FREM1: variants seen among roughly 807,000 people sequenced by gnomAD.
FREM1 encodes FRAS1 related extracellular matrix 1.
A neutral mutation model predicts 210.1 loss-of-function variants in FREM1; 220 were observed. The ratio of observed to expected loss-of-function variants is 1.05; its 90% CI spans 0.94 to 1.17. The LOEUF (loss-of-function observed/expected upper bound fraction) is 1.17, where lower values mean the gene tolerates loss of function less well. Among genes scored for constraint, FREM1 ranks in the 50% most tolerant of loss-of-function variants. FREM1 has a pLI of 0.00. For missense variants in FREM1, 3,454 were observed against 2,675.5 expected (o/e 1.29, Z -6.42); for synonymous variants, 1,189 against 980.2 (o/e 1.21, Z -3.98).
In FREM1 at chr9:14,812,595, C is replaced by T. The variant is rs116618544; in HGVS notation, c.2893+217G>A. Among the ~76,000 whole-genome samples, 1,314 of 152,266 alleles carry T rather than the reference C, an allele frequency of 8.6e-3. 16 individuals carry two copies. Among genetic ancestry groups the T allele is most frequent in the African/African-American group, 0.03 (1,232 of 41,554 alleles). ...GCGTCAGGAACAAAGCAAGTAATAT[C>T]TGCCTTTCTCCGCTGTTTGAAATTC... On this transcript the variant is annotated intron_variant, in intron 16 of 36. Transcript: ENST00000380880.
chr9:14,825,561 A>ATATATATATG (rs1554685339), intron 10 of FREM1, among the ~76,000 whole-genome samples: 4,794 of 129,050 alleles, frequency 0.037, 405 homozygotes, highest in African/African-American at 0.12. Context: ...ATATATATAT[A>ATATATATATG]TATATATATA....
chr9:14,738,391 T>C (rs10961691), intron 36 of FREM1, among the ~76,000 whole-genome samples: 112,806 of 151,722 alleles, frequency 0.74, 42,042 homozygotes, highest in Middle Eastern at 0.8. Context: ...TTTTTCAGTC[T>C]GTATTTTTGG....
At chr9:14,760,849 G>T (rs1281427165) in intron 27 of FREM1, among the ~76,000 whole-genome samples, 2 of 152,034 alleles carry the variant, frequency 1.3e-5, no homozygotes, top group African/African-American at 2.4e-5. Flanking sequence ...CCTTTTTGAG[G>T]TCTTGCCTTT....
intron 35 of FREM1, among the ~76,000 whole-genome samples, 174 bp from the exon 36 acceptor site, chr9:14,740,408 G>T (rs1045370713): frequency 2.0e-5 from 3 of 152,144 alleles, no homozygotes; most frequent in African/African-American, 7.2e-5. Flanking sequence ...GCAGGGTGGG[G>T]GTAGGTGACA....
At chr9:14,794,377 C>G (rs1227556681) in intron 21 of FREM1, among the ~76,000 whole-genome samples, 6 of 152,184 alleles carry the variant, frequency 3.9e-5, no homozygotes, top group African/African-American at 1.4e-4. Context: ...ATCTTATCTA[C>G]TAGCTCCCGA....
At chr9:14,745,642 A>G (rs1465226192) in intron 35 of FREM1, among the ~76,000 whole-genome samples, 1 of 152,234 alleles carries the variant, frequency 6.6e-6, no homozygotes, top group African/African-American at 2.4e-5. Context: ...GATCAGATCA[A>G]TAATAACCAG....
intron 29 of FREM1, among the ~76,000 whole-genome samples, chr9:14,754,624 G>A (rs192042359): frequency 8.5e-5 from 13 of 152,234 alleles, no homozygotes; most frequent in Admixed American, 3.9e-4. Flanking sequence ...CATCCATTAT[G>A]ACTGGTATTG....
At chr9:14,831,338 G>A (rs1389995058) in intron 10 of FREM1, among the ~76,000 whole-genome samples, 1 of 152,190 alleles carries the variant, frequency 6.6e-6, no homozygotes, top group African/African-American at 2.4e-5. Context: ...AAGTTACAGC[G>A]AGGTTACTTG....
chr9:14,860,579 A>ACACATATATATG, intron 3 of FREM1, among the ~76,000 whole-genome samples: 1 of 140,286 alleles, frequency 7.1e-6, no homozygotes, highest in African/African-American at 2.9e-5. Context: ...ACACATATAT[A>ACACATATATATG]TACACATATA....
At chr9:14,816,923 T>G in intron 14 of FREM1, 52 bp from the exon 15 acceptor site, 1 of 611,382 alleles carries the variant, frequency 1.6e-6, no homozygotes, top group Non-Finnish European at 2.6e-6. Context: ...TGAGAGTAAA[T>G]TGAGATGCAT....
chr9:14,908,802 C>A (rs752598247), intron 1 of FREM1, among the ~76,000 whole-genome samples: 1 of 152,194 alleles, frequency 6.6e-6, no homozygotes, highest in African/African-American at 2.4e-5. Flanking sequence ...TGGCACCACT[C>A]CAGGTCTAAA....
In FREM1 at chr9:14,836,038, A is replaced by C. The variant is rs1824527959; in HGVS notation, c.1881+5409T>G. The stretch of plus-strand genomic sequence containing the variant: ...TGCTAGTTCTGGGCAATTATCTTGC[A>C]ACTTCTGCCGGGTAATGAAAAGTGA... On this transcript the variant is annotated intron_variant, in intron 10 of 36. Coordinates refer to ENST00000380880, the MANE Select transcript of FREM1 (RefSeq NM_001379081.2). The surrounding 1 kb of genome is among the most constrained non-coding windows in gnomAD (Gnocchi z 4.9). Among the ~76,000 whole-genome samples, 1 of 152,236 alleles carries C rather than the reference A, an allele frequency of 6.6e-6. No individual in the cohort carries two copies. Among genetic ancestry groups the C allele is most frequent in the Non-Finnish European group, 1.5e-5 (1 of 68,046 alleles).
chr9:14,885,557 T>C (rs1835661662), intron 1 of FREM1, among the ~76,000 whole-genome samples: 1 of 152,110 alleles, frequency 6.6e-6, no homozygotes, highest in Non-Finnish European at 1.5e-5. Context: ...TACCTGGGAC[T>C]ACAGGCATGC....
At chr9:14,796,963 C>T (rs762466006) in intron 21 of FREM1, among the ~76,000 whole-genome samples, 3 of 152,112 alleles carry the variant, frequency 2.0e-5, no homozygotes, top group East Asian at 1.9e-4. Flanking sequence ...ATGATGATTT[C>T]GATGTGAGGC....
chr9:14,813,468 T>C (rs994429757), intron 15 of FREM1, among the ~76,000 whole-genome samples: 9 of 152,224 alleles, frequency 5.9e-5, no homozygotes, highest in Admixed American at 5.9e-4. Context: ...ATCAAAGTTA[T>C]TTTTGTTTCA....
chr9:14,749,103 T>C (rs949232725), intron 30 of FREM1, among the ~76,000 whole-genome samples: 11 of 152,174 alleles, frequency 7.2e-5, no homozygotes, highest in Admixed American at 2.6e-4. Flanking sequence ...TTAGTTGCTG[T>C]AGAACAAAGA....
At chr9:14,779,826 T>C (rs910603245) in intron 24 of FREM1, among the ~76,000 whole-genome samples, 12 of 152,308 alleles carry the variant, frequency 7.9e-5, no homozygotes, top group Middle Eastern at 3.4e-3. Flanking sequence ...AGTGCTGACC[T>C]AAAGCTAATA....
chr9:14,904,182 A>G lies in FREM1; in HGVS notation c.-268+5732T>C, dbSNP rs541786642. Among the ~76,000 whole-genome samples, 14 of 151,426 alleles carry G rather than the reference A, an allele frequency of 9.2e-5. No individual in the cohort carries two copies. In the South Asian group the frequency reaches 1.3e-3, roughly 14 times the overall value. The stretch of plus-strand genomic sequence containing the variant: ...TTCTGGGTTATAGAGACTAGTGACT[A>G]GTTTCCTCCTTAAAAGGGAACAAAA... On this transcript the variant is annotated intron_variant, in intron 1 of 36. Transcript: ENST00000380880.
Position 14,808,075 on chromosome 9 carries a change from C to A in FREM1, c.2953G>T (p.Glu985Ter). ...CAGCCATTCACAAAAGGGCCAGCCT[C>A]TCCATCCGAAACCACCAATGTAATG... ...DTITLVVSDG[E>*]AGPFVNGCCY... Residue 985 changes from glutamate to a stop codon, truncating the protein, a stop_gained, in exon 17 of 37, where the codon GAG (glutamate) becomes TAG (stop). Coordinates refer to ENST00000380880, the MANE Select transcript of FREM1 (RefSeq NM_001379081.2). LOFTEE classifies it high-confidence loss of function. The A allele has an allele frequency of 1.2e-6, 2 of 1,613,498 alleles. No homozygotes were observed. Among genetic ancestry groups the A allele is most frequent in the African/African-American group, 1.3e-5 (1 of 75,032 alleles).
Sources: gnomAD v4.1 joint callset for allele counts (sites outside exome capture counted in the v4.1 genomes callset) on GRCh38, gnomAD v4.1.1 for gene constraint, Gnocchi (gnomAD v3.1) non-coding constraint, MANE v1.5 for transcripts, NCBI Gene and HGNC (gene_info 2026-07-23, HGNC 2026-07-21) for gene names.